GLI3: variants seen among roughly 807,000 people sequenced by gnomAD.
The protein encoded by GLI3 is GLI family zinc finger 3.
A neutral mutation model predicts 100.8 loss-of-function variants in GLI3; 20 were observed. The ratio of observed to expected loss-of-function variants is 0.20; its 90% CI spans 0.14 to 0.29. The LOEUF is 0.29. Ranked by LOEUF, GLI3 falls within the 10% of genes least tolerant of loss-of-function variation. The pLI, the probability that GLI3 is intolerant of heterozygous loss-of-function variation, is 1.00. For synonymous variants in GLI3, 938 were observed against 860.5 expected, an observed-to-expected ratio of 1.09 and a Z score of -1.58; for missense variants, 2,040 against 2,128.5, an observed-to-expected ratio of 0.96 and a Z score of 0.82.
chr7:42,074,376 T>A (rs1488261244), intron 4 of GLI3, among the ~76,000 whole-genome samples: 2 of 152,186 alleles, frequency 1.3e-5, no homozygotes, highest in African/African-American at 4.8e-5. Flanking sequence ...AATGTGAGTG[T>A]CCACTGAGCA....
Position 41,989,940 on chromosome 7 carries a change from T to C in GLI3, c.1498-11192A>G, listed in dbSNP as rs373597690. 5.5e-5 allele frequency among the ~76,000 whole-genome samples: 8 copies of C among 145,162 alleles called. No individual in the cohort carries two copies. In the East Asian group the frequency reaches 1.4e-3, roughly 25 times the overall value. ...CCTGAGAGGCTGTAGTGAGCTGAGATTGCACCACTGCACGCCAGCCTGGGT... is the reference window on the plus strand; with the variant it reads ...CCTGAGAGGCTGTAGTGAGCTGAGACTGCACCACTGCACGCCAGCCTGGGT... On this transcript the variant is annotated intron_variant, in intron 10 of 14. Coordinates refer to ENST00000395925, the MANE Select transcript of GLI3 (RefSeq NM_000168.6).
At chr7:42,141,118 T>C (rs902098836) in intron 3 of GLI3, among the ~76,000 whole-genome samples, 3 of 152,224 alleles carry the variant, frequency 2.0e-5, no homozygotes, top group Non-Finnish European at 4.4e-5. Context: ...ATCAGACGCA[T>C]ACTTGGATGC....
intron 3 of GLI3, among the ~76,000 whole-genome samples, chr7:42,112,633 T>A (rs1346104292): frequency 1.3e-5 from 2 of 152,196 alleles, no homozygotes; most frequent in African/African-American, 4.8e-5. Context: ...ACATTAAAAT[T>A]TTTTAAATTA....
chr7:42,211,087 A>G (rs1024843382), intron 2 of GLI3, among the ~76,000 whole-genome samples: 1 of 152,230 alleles, frequency 6.6e-6, no homozygotes, highest in Non-Finnish European at 1.5e-5. Flanking sequence ...GGCCAAACAG[A>G]TGGATAAAAA....
At chr7:42,137,762 G>A (rs1786463828) in intron 3 of GLI3, among the ~76,000 whole-genome samples, 2 of 152,132 alleles carry the variant, frequency 1.3e-5, no homozygotes, top group Non-Finnish European at 1.5e-5. Flanking sequence ...ACACCTGACC[G>A]ACCTCATGTG....
intron 3 of GLI3, chr7:42,145,638 A>C (rs564652788): frequency 5.1e-6 from 2 of 395,858 alleles, no homozygotes; most frequent in African/African-American, 2.1e-5. Context: ...AAAAAAAAAC[A>C]GTCTACACTG....
intron 3 of GLI3, among the ~76,000 whole-genome samples, chr7:42,132,428 T>C (rs1786314179): frequency 6.6e-6 from 1 of 152,204 alleles, no homozygotes; most frequent in Admixed American, 6.5e-5. Flanking sequence ...AATGAGCATG[T>C]GTTAACTTGT....
chr7:42,014,366 T>C (rs2128726851), intron 10 of GLI3, among the ~76,000 whole-genome samples: 1 of 152,362 alleles, frequency 6.6e-6, no homozygotes. Flanking sequence ...GCATTACTTA[T>C]CATACCACTC....
intron 3 of GLI3, among the ~76,000 whole-genome samples, chr7:42,117,410 T>A (rs1785887068): frequency 6.6e-6 from 1 of 152,212 alleles, no homozygotes; most frequent in African/African-American, 2.4e-5. Context: ...CATGTTGCAG[T>A]ACCAAGGACC....
chr7:42,054,780 T>C (rs1163187857), intron 4 of GLI3, among the ~76,000 whole-genome samples: 2 of 151,860 alleles, frequency 1.3e-5, no homozygotes, highest in Admixed American at 1.3e-4. Flanking sequence ...GCCTAGGAGT[T>C]CAAGATCAAT....
At chr7:42,183,898 A>G (rs1787668156) in intron 2 of GLI3, among the ~76,000 whole-genome samples, 1 of 152,120 alleles carries the variant, frequency 6.6e-6, no homozygotes, top group Non-Finnish European at 1.5e-5. Flanking sequence ...CCTTTTCAAA[A>G]CAATGACCAC....
rs1784976335 is a variant in GLI3 at position 42,080,568 on chromosome 7, C to T, written c.368-3711G>A. Among the ~76,000 whole-genome samples, 3 of 152,178 alleles carry T rather than the reference C, an allele frequency of 2.0e-5. No homozygotes were observed. In the South Asian group the frequency reaches 6.2e-4, roughly 32 times the overall value. On this transcript the variant is annotated intron_variant, in intron 3 of 14. Coordinates refer to ENST00000395925, the MANE Select transcript of GLI3 (RefSeq NM_000168.6). ...CCTTGTGTTGGTTATTAGTAGAAAT[C>T]ACACCTCTTAAGCCACTTTCTGGGA...
intron 2 of GLI3, among the ~76,000 whole-genome samples, chr7:42,195,653 TA>T (rs1446347874): frequency 6.6e-6 from 1 of 152,200 alleles, no homozygotes; most frequent in Non-Finnish European, 1.5e-5. Context: ...CATCACAATT[TA>T]TTAGTATAGC....
intron 1 of GLI3, among the ~76,000 whole-genome samples, chr7:42,229,638 T>C (rs945898670): frequency 6.6e-6 from 1 of 152,216 alleles, no homozygotes; most frequent in African/African-American, 2.4e-5. Context: ...CTTATATTAC[T>C]AGTAGATCAA....
intron 3 of GLI3, among the ~76,000 whole-genome samples, chr7:42,093,043 A>AC (rs1785260409): frequency 6.6e-6 from 1 of 151,762 alleles, no homozygotes; most frequent in Admixed American, 6.6e-5. Flanking sequence ...CAAACTTCTG[A>AC]CCTCAGGTGA....
Position 41,978,765 on chromosome 7 carries a change from G to A in GLI3, c.1498-17C>T, listed in dbSNP as rs1328066193. 6.2e-7 allele frequency: 1 copy of A among 1,611,544 alleles called. No homozygotes were observed. The highest frequency in any genetic ancestry group is 1.3e-5 in the African/African-American group (1 of 74,880). On this transcript the variant is annotated splice_polypyrimidine_tract_variant and intron_variant, in intron 10 of 14. Coordinates refer to ENST00000395925, the MANE Select transcript of GLI3 (RefSeq NM_000168.6). ...ATTTATATGCTGGGGTTTGGAAAAA[G>A]AGAGAGAAATCAAATGGAAACGTAT...
intron 1 of GLI3, among the ~76,000 whole-genome samples, chr7:42,228,774 T>C (rs139520261): frequency 3.3e-5 from 5 of 152,332 alleles, no homozygotes; most frequent in South Asian, 2.1e-4. Flanking sequence ...GCCCCCAATG[T>C]GTTTTTCTTC....
chr7:42,048,457 T>G (rs1784289825), intron 5 of GLI3, 34 bp downstream of exon 5: 1 of 1,409,530 alleles, frequency 7.1e-7, no homozygotes, highest in South Asian at 1.2e-5. Context: ...GGAGGCTGCA[T>G]GATCTCCAGA....
At position 42,213,021 on chromosome 7, in the gene GLI3, C is replaced by T. The variant is rs142475285; in HGVS notation, c.124+10109G>A. On this transcript the variant is annotated intron_variant, in intron 2 of 14. Coordinates refer to ENST00000395925, the MANE Select transcript of GLI3 (RefSeq NM_000168.6). ...CTTTTCTTTCAAAGAACCTAGGTTA[C>T]GAGCCTTTCAGTTTGTTCTTCCTTA... Among the ~76,000 whole-genome samples, 685 of 152,320 alleles carry T rather than the reference C, an allele frequency of 4.5e-3. 2 individuals carry two copies. Among genetic ancestry groups the T allele is most frequent in the African/African-American group, 0.016 (646 of 41,576 alleles).
Sources: allele counts gnomAD v4.1 joint callset (sites outside exome capture counted in the v4.1 genomes callset), GRCh38; gene constraint gnomAD v4.1.1; transcripts MANE v1.5; gene names NCBI Gene and HGNC (gene_info 2026-07-23, HGNC 2026-07-21).